FGF1: variants seen among roughly 807,000 people sequenced by gnomAD.
The protein encoded by FGF1 is beta-endothelial cell growth factor.
A neutral mutation model predicts 13.4 loss-of-function variants in FGF1; 9 were observed. That is an observed-to-expected ratio of 0.67 (90% CI 0.40 to 1.17). The LOEUF (loss-of-function observed/expected upper bound fraction) is 1.17, where lower values mean the gene tolerates loss of function less well. Among genes scored for constraint, FGF1 ranks in the 50% most tolerant of loss-of-function variants. FGF1 has a pLI of 0.01. For synonymous variants in FGF1, 93 were observed against 79.0 expected (o/e 1.18, Z -0.94); for missense variants, 156 against 192.7 (o/e 0.81, Z 1.13).
At chr5:142,678,021 G>A (rs1042241056) in intron 1 of FGF1, among the ~76,000 whole-genome samples, 5 of 152,162 alleles carry the variant, frequency 3.3e-5, no homozygotes, top group Non-Finnish European at 2.9e-5. Context: ...TGGGGGGAAA[G>A]CATCCCAGGC....
At chr5:142,642,087 A>C (rs1474672798) in intron 1 of FGF1, among the ~76,000 whole-genome samples, 1 of 152,210 alleles carries the variant, frequency 6.6e-6, no homozygotes, top group Non-Finnish European at 1.5e-5. Context: ...TGGGAAAACA[A>C]AGCAGAAAAG....
chr5:142,606,214 CTCTCTGTG>C (rs1188068939), intron 2 of FGF1, among the ~76,000 whole-genome samples: 1 of 71,034 alleles, frequency 1.4e-5, no homozygotes, highest in Admixed American at 1.6e-4. Context: ...CATTCTTTCT[CTCTCTGTG>C]TGTGTGTGTG....
chr5:142,608,730 T>C (rs1758376494), intron 2 of FGF1, among the ~76,000 whole-genome samples: 1 of 146,102 alleles, frequency 6.8e-6, no homozygotes, highest in African/African-American at 2.5e-5. Context: ...CACACACACA[T>C]ATATATCATA....
chr5:142,630,352 T>G (rs1045955374), intron 1 of FGF1, among the ~76,000 whole-genome samples: 1 of 152,124 alleles, frequency 6.6e-6, no homozygotes, highest in African/African-American at 2.4e-5. Context: ...AAGTACTTAT[T>G]ACCAACCCCA....
At chr5:142,694,636 G>A (rs1159437706) in intron 2 of FGF1, among the ~76,000 whole-genome samples, 1 of 152,114 alleles carries the variant, frequency 6.6e-6, no homozygotes, top group East Asian at 1.9e-4. Flanking sequence ...CCCCAGCTTG[G>A]TCACCCTGGT....
intron 1 of FGF1, among the ~76,000 whole-genome samples, chr5:142,627,723 A>G (rs917132447): frequency 3.3e-5 from 5 of 152,256 alleles, no homozygotes; most frequent in Admixed American, 2.0e-4. Flanking sequence ...AAGGGCAGGA[A>G]GAAAACAGTC....
At chr5:142,686,250 T>TCTC (rs1751180369), upstream of FGF1, 1 of 152,244 alleles carries the variant, frequency 6.6e-6, no homozygotes, top group South Asian at 2.1e-4. Flanking sequence ...TCTAGGTCTA[T>TCTC]CTCCGGTCCT....
At chr5:142,653,355 G>A (rs2151979541) in intron 1 of FGF1, among the ~76,000 whole-genome samples, 1 of 152,282 alleles carries the variant, frequency 6.6e-6, no homozygotes, top group African/African-American at 2.4e-5. Context: ...CTATGAGGTA[G>A]GTGCTGTTCT....
chr5:142,647,654 A>G (rs1766412937), intron 1 of FGF1, among the ~76,000 whole-genome samples: 2 of 152,234 alleles, frequency 1.3e-5, no homozygotes, highest in Admixed American at 1.3e-4. Context: ...CCTAGTCTGA[A>G]GGTAGTTTTA....
chr5:142,667,643 C>T (rs1269943614), intron 1 of FGF1, among the ~76,000 whole-genome samples: 1 of 151,672 alleles, frequency 6.6e-6, no homozygotes. Context: ...GGCTTTTAGT[C>T]CCTCGCAGGC....
intron 1 of FGF1, among the ~76,000 whole-genome samples, chr5:142,644,587 G>C (rs945074967): frequency 2.0e-5 from 3 of 152,172 alleles, no homozygotes; most frequent in Non-Finnish European, 4.4e-5. Context: ...AAGAAACCAA[G>C]CCAGCTCCTC....
intron 1 of FGF1, among the ~76,000 whole-genome samples, chr5:142,631,032 G>A (rs547867697): frequency 2.6e-5 from 4 of 152,266 alleles, no homozygotes; most frequent in African/African-American, 9.6e-5. Context: ...CCAGCACAGA[G>A]GAATTGCTCA....
chr5:142,675,091 C>T (rs1350413367), intron 1 of FGF1, among the ~76,000 whole-genome samples: 6 of 152,136 alleles, frequency 3.9e-5, no homozygotes, highest in Non-Finnish European at 5.9e-5. Flanking sequence ...AGAAACAACC[C>T]GGCCATCGCC....
intron 1 of FGF1, among the ~76,000 whole-genome samples, chr5:142,651,984 G>A (rs183133344): frequency 3.0e-4 from 45 of 152,230 alleles, no homozygotes; most frequent in Middle Eastern, 6.8e-3. Context: ...TAAGTGCTTC[G>A]TACCATGCGC....
At chr5:142,676,962 T>C (rs2152040601) in intron 1 of FGF1, among the ~76,000 whole-genome samples, 1 of 152,248 alleles carries the variant, frequency 6.6e-6, no homozygotes, top group African/African-American at 2.4e-5. Flanking sequence ...CAAGGAGGAA[T>C]GTTTTACTCC....
At chr5:142,617,571 A>G (rs573472390) in intron 1 of FGF1, among the ~76,000 whole-genome samples, 1 of 152,192 alleles carries the variant, frequency 6.6e-6, no homozygotes, top group African/African-American at 2.4e-5. Flanking sequence ...CCCCTCAGTG[A>G]GAGGGAGCAT....
In FGF1 at chr5:142,623,375, C is replaced by T. The variant is rs372452819; in HGVS notation, c.-34-9214G>A. Among the ~76,000 whole-genome samples the T allele has an allele frequency of 1.4e-4, 21 of 150,658 alleles. 1 individual carries two copies. In the East Asian group the frequency reaches 3.1e-3, roughly 22 times the overall value. ...TTTTTTTTTTTTTGAGACAGAGTCT[C>T]GTTCTGTCGCCCAGGCTGAAGTGCA... is the stretch of plus-strand genomic sequence containing the variant. On this transcript the variant is annotated intron_variant, in intron 1 of 3. Transcript: ENST00000337706.
intron 1 of FGF1, among the ~76,000 whole-genome samples, chr5:142,668,480 C>T (rs1308456442): frequency 6.6e-6 from 1 of 152,200 alleles, no homozygotes; most frequent in Non-Finnish European, 1.5e-5. Context: ...CCCCTCCCTG[C>T]CCCGGCCCCA....
intron 1 of FGF1, among the ~76,000 whole-genome samples, chr5:142,668,441 C>T (rs1282296912): frequency 6.6e-6 from 1 of 152,200 alleles, no homozygotes; most frequent in Middle Eastern, 3.2e-3. Context: ...GGAGGCTGCT[C>T]TTGTCTTCAC....
Sources: allele counts gnomAD v4.1 joint callset (sites outside exome capture counted in the v4.1 genomes callset), GRCh38; gene constraint gnomAD v4.1.1; transcripts MANE v1.5; gene names NCBI Gene and HGNC (gene_info 2026-07-23, HGNC 2026-07-21).